CCDC91: variants seen among roughly 807,000 people sequenced by gnomAD.
CCDC91 encodes the protein coiled-coil domain containing 91.
In CCDC91, 48 loss-of-function variants were observed where a neutral mutation model predicts 63.2. The observed-to-expected ratio is 0.76, with a 90% CI of 0.60 to 0.97. The LOEUF (loss-of-function observed/expected upper bound fraction) is 0.97. Ranked by LOEUF, CCDC91 falls within the 50% of genes least tolerant of loss-of-function variation. CCDC91 has a pLI of 0.00. For synonymous variants in CCDC91, 167 were observed against 165.8 expected, an observed-to-expected ratio of 1.01 and a Z score of -0.06; for missense variants, 500 against 494.6, an observed-to-expected ratio of 1.01 and a Z score of -0.10.
intron 11 of CCDC91, among the ~76,000 whole-genome samples, chr12:28,480,013 T>C (rs1326920372): frequency 1.3e-5 from 2 of 152,052 alleles, no homozygotes; most frequent in African/African-American, 2.4e-5. Flanking sequence ...CTTGGGTTGC[T>C]GACATCGGCC....
chr12:28,268,435 G>A (rs1183722030), intron 3 of CCDC91, among the ~76,000 whole-genome samples: 5 of 152,082 alleles, frequency 3.3e-5, no homozygotes, highest in African/African-American at 9.7e-5. Context: ...TAACAACATG[G>A]AAGAATCTCA....
At chr12:28,412,300 A>G (rs910333581) in intron 8 of CCDC91, among the ~76,000 whole-genome samples, 3 of 152,166 alleles carry the variant, frequency 2.0e-5, no homozygotes, top group Non-Finnish European at 2.9e-5. Context: ...TCTTCCAAAT[A>G]TTATTATTGT....
intron 6 of CCDC91, among the ~76,000 whole-genome samples, chr12:28,321,041 A>G (rs977027967): frequency 3.3e-5 from 5 of 151,924 alleles, no homozygotes; most frequent in African/African-American, 1.2e-4. Flanking sequence ...GAAATCTACT[A>G]TGTAAAACTG....
intron 12 of CCDC91, among the ~76,000 whole-genome samples, chr12:28,519,645 G>A (rs1473567292): frequency 6.6e-6 from 1 of 150,594 alleles, no homozygotes; most frequent in African/African-American, 2.4e-5. Context: ...ATGTATACAT[G>A]TGCCATGTTG....
intron 8 of CCDC91, among the ~76,000 whole-genome samples, chr12:28,401,612 C>T (rs1468501900): frequency 6.6e-6 from 1 of 152,144 alleles, no homozygotes; most frequent in African/African-American, 2.4e-5. Flanking sequence ...CTGGTGAGAA[C>T]TCACTATCAG....
At chr12:28,239,134 A>AAT (rs1555164216) in intron 1 of CCDC91, among the ~76,000 whole-genome samples, 1 of 151,860 alleles carries the variant, frequency 6.6e-6, no homozygotes, top group Non-Finnish European at 1.5e-5. Flanking sequence ...AAAAAAAAAA[A>AAT]ATATATGTGG....
At chr12:28,407,830 A>C (rs1389332066) in intron 8 of CCDC91, among the ~76,000 whole-genome samples, 1 of 151,890 alleles carries the variant, frequency 6.6e-6, no homozygotes, top group Non-Finnish European at 1.5e-5. Context: ...ATCTCTGACT[A>C]GTTCATATTT....
intron 1 of CCDC91, among the ~76,000 whole-genome samples, chr12:28,220,327 T>C (rs919162955): frequency 6.6e-6 from 1 of 152,108 alleles, no homozygotes; most frequent in African/African-American, 2.4e-5. Context: ...AACGTATTAG[T>C]CCACTTATCA....
intron 6 of CCDC91, among the ~76,000 whole-genome samples, chr12:28,354,882 C>A (rs1381670135): frequency 6.6e-6 from 1 of 152,136 alleles, no homozygotes; most frequent in Non-Finnish European, 1.5e-5. Context: ...CATTCAGTGA[C>A]TAAACATTGT....
chr12:28,239,927 C>T (rs1420657270), intron 1 of CCDC91, among the ~76,000 whole-genome samples: 26 of 152,036 alleles, frequency 1.7e-4, no homozygotes, highest in Admixed American at 1.2e-3. Context: ...AACAGTGTTG[C>T]TCAAATATTA....
At chr12:28,221,183 CT>C (rs1943918047) in intron 1 of CCDC91, among the ~76,000 whole-genome samples, 1 of 151,838 alleles carries the variant, frequency 6.6e-6, no homozygotes, top group Non-Finnish European at 1.5e-5. Flanking sequence ...GTTTAATATG[CT>C]GTTAATCTCA....
intron 3 of CCDC91, among the ~76,000 whole-genome samples, chr12:28,263,008 A>G (rs528194854): frequency 5.9e-5 from 9 of 152,072 alleles, no homozygotes; most frequent in Non-Finnish European, 4.4e-5. Context: ...AAACTGTGAT[A>G]CACATAGTGT....
intron 3 of CCDC91, among the ~76,000 whole-genome samples, chr12:28,267,409 A>C (rs531499403): frequency 1.3e-5 from 2 of 151,398 alleles, no homozygotes; most frequent in Admixed American, 1.3e-4. Flanking sequence ...TAATGTAACT[A>C]GTTATTTTCA....
chr12:28,414,724 A>G (rs1947533622), intron 8 of CCDC91, among the ~76,000 whole-genome samples: 1 of 152,168 alleles, frequency 6.6e-6, no homozygotes, highest in Admixed American at 6.5e-5. Context: ...ATTGGTAATG[A>G]TATATTGTTA....
intron 3 of CCDC91, among the ~76,000 whole-genome samples, chr12:28,303,451 A>G (rs1365741214): frequency 1.3e-5 from 2 of 152,018 alleles, no homozygotes; most frequent in African/African-American, 2.4e-5. Flanking sequence ...CTAACATGAT[A>G]CACTTGAACA....
At chr12:28,389,818 A>AT (rs1414507487) in intron 7 of CCDC91, among the ~76,000 whole-genome samples, 3 of 152,074 alleles carry the variant, frequency 2.0e-5, no homozygotes, top group African/African-American at 7.2e-5. Flanking sequence ...TTCTAAGGGA[A>AT]TTTTTTATAA....
At chr12:28,353,862 A>G (rs926530816) in intron 6 of CCDC91, among the ~76,000 whole-genome samples, 2 of 152,232 alleles carry the variant, frequency 1.3e-5, no homozygotes. Context: ...GTGCTGATTC[A>G]TGGGGGAAAC....
chr12:28,216,929 C>CT (rs1391993580), intron 1 of CCDC91, among the ~76,000 whole-genome samples: 1 of 152,054 alleles, frequency 6.6e-6, no homozygotes, highest in African/African-American at 2.4e-5. Context: ...TGCACTTACA[C>CT]TTAAAGACCT....
intron 8 of CCDC91, among the ~76,000 whole-genome samples, chr12:28,420,526 A>G (rs375946909): frequency 2.6e-5 from 4 of 152,316 alleles, no homozygotes; most frequent in African/African-American, 7.2e-5. Context: ...TTGACAGCAC[A>G]TAAGACACAG....
Sources: allele counts gnomAD v4.1 joint callset (sites outside exome capture counted in the v4.1 genomes callset), GRCh38; gene constraint gnomAD v4.1.1; transcripts MANE v1.5; gene names NCBI Gene and HGNC (gene_info 2026-07-23, HGNC 2026-07-21).